Variants in COL24A1 observed in about 807,000 individuals in gnomAD.
COL24A1 encodes collagen type XXIV alpha 1 chain.
In COL24A1, 224 loss-of-function variants were observed where a neutral mutation model predicts 253.9. The ratio of observed to expected loss-of-function variants is 0.88; its 90% CI spans 0.79 to 0.99. The LOEUF is 0.99. Among genes scored for constraint, COL24A1 ranks in the 50% least tolerant of loss-of-function variants. The pLI, the probability that COL24A1 is intolerant of heterozygous loss-of-function variation, is 0.00. For synonymous variants in COL24A1, 685 were observed against 673.7 expected, an observed-to-expected ratio of 1.02 and a Z score of -0.26; for missense variants, 2,131 against 2,068.5, an observed-to-expected ratio of 1.03 and a Z score of -0.59.
At chr1:85,862,168 A>G (rs887283033) in intron 37 of COL24A1, among the ~76,000 whole-genome samples, 1 of 152,116 alleles carries the variant, frequency 6.6e-6, no homozygotes, top group Non-Finnish European at 1.5e-5. Flanking sequence ...ATCTGCAGTG[A>G]TCTTTTAATC....
At chr1:85,915,542 A>G (rs1685812366) in intron 24 of COL24A1, among the ~76,000 whole-genome samples, 1 of 152,216 alleles carries the variant, frequency 6.6e-6, no homozygotes, top group South Asian at 2.1e-4. Context: ...AACCCTAACT[A>G]ATGCTGTCAA....
intron 47 of COL24A1, among the ~76,000 whole-genome samples, chr1:85,791,012 T>C (rs183640716): frequency 6.6e-6 from 1 of 152,238 alleles, no homozygotes; most frequent in African/African-American, 2.4e-5. Context: ...GTTAGCCCAA[T>C]AAGGAAAATC....
At chr1:86,135,943 G>A (rs1650177991) in intron 2 of COL24A1, among the ~76,000 whole-genome samples, 1 of 152,054 alleles carries the variant, frequency 6.6e-6, no homozygotes, top group African/African-American at 2.4e-5. Flanking sequence ...GCTGGCAGAA[G>A]AAGAGGATGG....
At chr1:85,806,616 TA>T (rs1671998597) in intron 47 of COL24A1, among the ~76,000 whole-genome samples, 1 of 152,130 alleles carries the variant, frequency 6.6e-6, no homozygotes, top group Non-Finnish European at 1.5e-5. Context: ...TTTCTACCAC[TA>T]AAAAAATGTA....
At chr1:85,898,383 A>T (rs1683963605) in intron 28 of COL24A1, among the ~76,000 whole-genome samples, 1 of 152,184 alleles carries the variant, frequency 6.6e-6, no homozygotes, top group Non-Finnish European at 1.5e-5. Flanking sequence ...CCTCTGAGGC[A>T]CATTCAGGGA....
At chr1:86,014,667 TC>T (rs773862753) in intron 19 of COL24A1, among the ~76,000 whole-genome samples, 2 of 152,114 alleles carry the variant, frequency 1.3e-5, no homozygotes, top group Non-Finnish European at 2.9e-5. Flanking sequence ...ACCCAACTTT[TC>T]AAGCAAAAAG....
intron 18 of COL24A1, 83 bp downstream of exon 18, chr1:86,022,157 C>A: frequency 8.4e-7 from 1 of 1,185,844 alleles, no homozygotes; most frequent in South Asian, 1.2e-5. Context: ...GGCTTATACC[C>A]TACTTAGATC....
intron 10 of COL24A1, among the ~76,000 whole-genome samples, chr1:86,052,165 T>C (rs374805487): frequency 6.6e-6 from 1 of 152,220 alleles, no homozygotes; most frequent in African/African-American, 2.4e-5. Context: ...TCAATTTTAC[T>C]AAGTTCTAAA....
At chr1:85,839,285 C>CTTTT (rs35096656) in intron 42 of COL24A1, among the ~76,000 whole-genome samples, 13 of 152,278 alleles carry the variant, frequency 8.5e-5, no homozygotes, top group Non-Finnish European at 1.6e-4. Context: ...AAATAACTTA[C>CTTTT]TTTTTTACTA....
chr1:86,102,319 A>T (rs962930743), intron 5 of COL24A1, among the ~76,000 whole-genome samples: 6 of 151,340 alleles, frequency 4.0e-5, no homozygotes, highest in Admixed American at 1.3e-4. Flanking sequence ...TATTTTACTA[A>T]TTTTTTCAAA....
chr1:86,100,773 A>G (rs1360889543), intron 5 of COL24A1, among the ~76,000 whole-genome samples: 1 of 152,116 alleles, frequency 6.6e-6, no homozygotes, highest in Admixed American at 6.5e-5. Context: ...ACTCTTGAAC[A>G]AGATTTGAAG....
chr1:86,013,755 C>T (rs1289411259), intron 19 of COL24A1, among the ~76,000 whole-genome samples: 3 of 152,058 alleles, frequency 2.0e-5, no homozygotes, highest in Non-Finnish European at 2.9e-5. Context: ...AGAATCGCTT[C>T]AACCTGGGAG....
intron 19 of COL24A1, among the ~76,000 whole-genome samples, chr1:86,004,647 G>A (rs1695762729): frequency 6.6e-6 from 1 of 152,138 alleles, no homozygotes; most frequent in African/African-American, 2.4e-5. Context: ...AGCAGGTATG[G>A]TCCTATTTAC....
intron 19 of COL24A1, among the ~76,000 whole-genome samples, chr1:85,995,267 T>TC (rs1694674212): frequency 6.6e-6 from 1 of 152,002 alleles, no homozygotes; most frequent in African/African-American, 2.4e-5. Context: ...TTTTTTTTTT[T>TC]TAGAGATGTG....
At position 85,734,016 on chromosome 1, in the gene COL24A1, C is replaced by T. The variant is rs188656370; in HGVS notation, c.4998+733G>A. Among the ~76,000 whole-genome samples the T allele has an allele frequency of 2.7e-5, 4 of 150,714 alleles. No homozygotes were observed. The East Asian group carries it at 7.9e-4, about 30-fold the overall frequency. On this transcript the variant is annotated intron_variant, in intron 59 of 59. Coordinates refer to ENST00000370571, the MANE Select transcript of COL24A1 (RefSeq NM_152890.7). ...TTCCTGGGTTCAAGTGATTCTCCTG[C>T]CTCAGTCTCCCAGGTAGCTGGGATC...
Position 85,781,204 on chromosome 1 carries a change from A to G in COL24A1, c.4338+16T>C, listed in dbSNP as rs1411768012. The G allele has an allele frequency of 3.8e-6, 6 of 1,562,848 alleles. No individual in the cohort carries two copies. Among genetic ancestry groups the G allele is most frequent in the African/African-American group, 2.7e-5 (2 of 72,950 alleles). The stretch of plus-strand genomic sequence containing the variant: ...AAAAAAAAGAGTACAAAAGACTTGT[A>G]TTATGATAAACTTACAGTTCTACCT... On this transcript the variant is annotated intron_variant, in intron 52 of 59. Coordinates refer to ENST00000370571, the MANE Select transcript of COL24A1 (RefSeq NM_152890.7).
Position 86,048,297 on chromosome 1 carries a change from A to G in COL24A1, c.1906-1428T>C, listed in dbSNP as rs570465666. 3.3e-5 allele frequency among the ~76,000 whole-genome samples: 5 copies of G among 152,270 alleles called. No individual in the cohort carries two copies. In the East Asian group the frequency reaches 9.6e-4, roughly 29 times the overall value. ...GACTTCTTTCCATTTGTTTTCAGCA[A>G]TAGTTAGCATTACTCTATCTTATTT... On this transcript the variant is annotated intron_variant, in intron 11 of 59. Transcript: ENST00000370571.
intron 6 of COL24A1, among the ~76,000 whole-genome samples, chr1:86,091,120 C>T (rs1703461058): frequency 6.6e-6 from 1 of 151,922 alleles, no homozygotes; most frequent in East Asian, 1.9e-4. Flanking sequence ...ATAATTAAGA[C>T]AGTAATGAAA....
chr1:86,084,054 C>T (rs868109633), intron 7 of COL24A1, among the ~76,000 whole-genome samples: 2 of 152,106 alleles, frequency 1.3e-5, no homozygotes, highest in South Asian at 2.1e-4. Flanking sequence ...TTACAGGACT[C>T]ATGTCACCAA....
Sources: allele counts gnomAD v4.1 joint callset (sites outside exome capture counted in the v4.1 genomes callset), GRCh38; gene constraint gnomAD v4.1.1; transcripts MANE v1.5; gene names NCBI Gene and HGNC (gene_info 2026-07-23, HGNC 2026-07-21).